The following RAD51B variants were observed in gnomAD, a reference collection of about 807,000 sequenced individuals.
RAD51B encodes DNA repair protein RAD51 homolog 2.
RAD51B carries 38 observed loss-of-function variants against 42.2 expected under a neutral mutation model. The ratio of observed to expected loss-of-function variants is 0.90; its 90% CI spans 0.70 to 1.18. RAD51B has a LOEUF of 1.18. Among genes scored for constraint, RAD51B ranks in the 50% most tolerant of loss-of-function variants. The pLI, the probability that RAD51B is intolerant of heterozygous loss-of-function variation, is 0.00. For missense variants in RAD51B, 373 were observed against 400.7 expected, an observed-to-expected ratio of 0.93 and a Z score of 0.59; for synonymous variants, 154 against 145.2, an observed-to-expected ratio of 1.06 and a Z score of -0.43.
chr14:68,323,060 A>C (rs1344643074), intron 8 of RAD51B, among the ~76,000 whole-genome samples: 1 of 152,218 alleles, frequency 6.6e-6, no homozygotes, highest in African/African-American at 2.4e-5. Context: ...TTCTAGGGGC[A>C]GCCTTCCCAG....
chr14:68,321,739 A>T (rs2082160765), intron 8 of RAD51B, among the ~76,000 whole-genome samples: 1 of 152,154 alleles, frequency 6.6e-6, no homozygotes, highest in Non-Finnish European at 1.5e-5. Flanking sequence ...TAATTTTTAA[A>T]TTTTTTAAAA....
chr14:68,624,833 T>A (rs972598514), intron 10 of RAD51B, among the ~76,000 whole-genome samples: 2 of 152,168 alleles, frequency 1.3e-5, no homozygotes, highest in Non-Finnish European at 2.9e-5. Flanking sequence ...AAAAGTTACT[T>A]GGACCTTGCA....
chr14:68,618,733 TAGCCTAGCCCTGACAACTTG>T (rs997986884), intron 10 of RAD51B, among the ~76,000 whole-genome samples: 2 of 152,286 alleles, frequency 1.3e-5, no homozygotes, highest in Admixed American at 6.5e-5. Context: ...AGTTTGCCCT[TAGCCTAGCCCTGACAACTTG>T]AGCCTAGCCC....
At chr14:68,526,613 TAG>T (rs1299250485) in intron 10 of RAD51B, among the ~76,000 whole-genome samples, 1 of 152,168 alleles carries the variant, frequency 6.6e-6, no homozygotes, top group Admixed American at 6.5e-5. Context: ...AGCCTGTGTT[TAG>T]AGTTATGCAA....
chr14:68,518,560 C>CT (rs930047453), intron 10 of RAD51B, among the ~76,000 whole-genome samples: 2 of 150,308 alleles, frequency 1.3e-5, no homozygotes, highest in Non-Finnish European at 3.0e-5. Context: ...ATGAGCCCCC[C>CT]CCCCAGGCCT....
At chr14:67,859,394 C>T (rs1326040554) in intron 4 of RAD51B, among the ~76,000 whole-genome samples, 1 of 152,186 alleles carries the variant, frequency 6.6e-6, no homozygotes, top group East Asian at 1.9e-4. Context: ...TCCTATGAGA[C>T]ATTAATGTTG....
chr14:68,610,841 A>ATGTGTG (rs1323864540), intron 10 of RAD51B, among the ~76,000 whole-genome samples: 98 of 71,226 alleles, frequency 1.4e-3, no homozygotes, highest in African/African-American at 4.8e-3. Flanking sequence ...ATCTGAATGT[A>ATGTGTG]TATGTGTGTG....
At chr14:68,015,275 A>G (rs1414114823) in intron 7 of RAD51B, among the ~76,000 whole-genome samples, 3 of 152,226 alleles carry the variant, frequency 2.0e-5, no homozygotes, top group Non-Finnish European at 4.4e-5. Flanking sequence ...TAAAAGCATG[A>G]CATTTATTTA....
intron 10 of RAD51B, among the ~76,000 whole-genome samples, chr14:68,524,943 A>C (rs749098828): frequency 1.3e-5 from 2 of 152,206 alleles, no homozygotes; most frequent in Non-Finnish European, 2.9e-5. Flanking sequence ...GGCCTGTGAT[A>C]GGCAGAGTAA....
At chr14:67,938,633 G>T (rs574879741) in intron 7 of RAD51B, among the ~76,000 whole-genome samples, 2 of 152,220 alleles carry the variant, frequency 1.3e-5, no homozygotes, top group Non-Finnish European at 2.9e-5. Context: ...CAGTCATTTT[G>T]TGTATAGTTT....
At chr14:68,373,673 G>T (rs888461167) in intron 8 of RAD51B, among the ~76,000 whole-genome samples, 2 of 152,030 alleles carry the variant, frequency 1.3e-5, no homozygotes, top group East Asian at 1.9e-4. Context: ...ATTCATGCAG[G>T]GCTTAAAACC....
chr14:68,502,022 CG>C (rs1469734526), intron 10 of RAD51B, among the ~76,000 whole-genome samples: 6 of 152,086 alleles, frequency 3.9e-5, no homozygotes. Flanking sequence ...TGCCACAGCC[CG>C]GTCACCTTTA....
chr14:68,450,688 T>G (rs1226122095), intron 9 of RAD51B, among the ~76,000 whole-genome samples: 2 of 152,202 alleles, frequency 1.3e-5, no homozygotes, highest in African/African-American at 4.8e-5. Context: ...CTCATGACTC[T>G]CTGTTTTGCT....
intron 4 of RAD51B, among the ~76,000 whole-genome samples, chr14:67,851,297 T>G (rs372375250): frequency 6.6e-6 from 1 of 152,010 alleles, no homozygotes; most frequent in African/African-American, 2.4e-5. Context: ...AGGTCCTGGC[T>G]GTGATGGGAA....
chr14:68,540,053 G>A (rs941865350), intron 10 of RAD51B: 19 of 413,944 alleles, frequency 4.6e-5, no homozygotes, highest in African/African-American at 1.5e-4. Flanking sequence ...TGGCATCCAC[G>A]GTGAGCAGCT....
chr14:68,446,771 A>G (rs866625996), intron 9 of RAD51B, among the ~76,000 whole-genome samples: 5 of 152,202 alleles, frequency 3.3e-5, no homozygotes, highest in African/African-American at 4.8e-5. Context: ...TTGAATTAAT[A>G]TAAGATTATG....
rs184815928 is a variant in RAD51B, at chr14:67,835,047, G to T, written c.199-33G>T. 0.016 allele frequency: 23,986 copies of T among 1,498,014 alleles called. 345 individuals carry two copies. Among genetic ancestry groups the T allele is most frequent in the African/African-American group, 0.07 (4,450 of 63,994 alleles). The allele number at this position is 1,498,014 out of a possible 1,614,324, so 92.8% of individuals were successfully genotyped here. A position where few individuals can be genotyped will look rare whatever the true frequency, so the allele number is the denominator to read the frequency against. ...TTTATGTTTTTGAATATATATAGAGGTTGAAAAAAAACTTAATCATTTTCT... is the reference window on the plus strand; with the variant it reads ...TTTATGTTTTTGAATATATATAGAGTTTGAAAAAAAACTTAATCATTTTCT... On this transcript the variant is annotated intron_variant, in intron 3 of 10. Coordinates refer to ENST00000471583, the MANE Select transcript of RAD51B (RefSeq NM_133510.4).
intron 7 of RAD51B, among the ~76,000 whole-genome samples, chr14:68,262,499 G>A (rs1036759420): frequency 6.6e-6 from 1 of 152,140 alleles, no homozygotes; most frequent in African/African-American, 2.4e-5. Context: ...CCCCACTTAA[G>A]GTTTTTAACA....
intron 8 of RAD51B, among the ~76,000 whole-genome samples, chr14:68,359,891 T>A (rs762102475): frequency 2.0e-5 from 3 of 152,050 alleles, no homozygotes; most frequent in African/African-American, 4.8e-5. Flanking sequence ...GGAAAAAAAA[T>A]TTGTCTACTT....
Sources: gnomAD v4.1 joint callset for allele counts (sites outside exome capture counted in the v4.1 genomes callset) on GRCh38, gnomAD v4.1.1 for gene constraint, MANE v1.5 for transcripts, NCBI Gene and HGNC (gene_info 2026-07-23, HGNC 2026-07-21) for gene names.